The following LIN52 variants were observed in gnomAD, a reference collection of about 807,000 sequenced individuals.
LIN52 encodes protein lin-52 homolog.
In LIN52, 4 loss-of-function variants were observed where a neutral mutation model predicts 18.5. The observed-to-expected ratio is 0.22, with a 90% CI of 0.11 to 0.49. LIN52 has a LOEUF of 0.49. Ranked by LOEUF, LIN52 falls within the 20% of genes least tolerant of loss-of-function variation. The pLI is 0.97. For missense variants in LIN52, 102 were observed against 139.5 expected (o/e 0.73, Z 1.35); for synonymous variants, 34 against 45.5 (o/e 0.75, Z 1.02).
intron 5 of LIN52, among the ~76,000 whole-genome samples, chr14:74,176,983 G>A (rs1332347891): frequency 6.6e-6 from 1 of 151,486 alleles, no homozygotes; most frequent in African/African-American, 2.4e-5. Context: ...TCATCAGTGG[G>A]ACATTTGGGT....
At chr14:74,132,897 T>C (rs1185700356) in intron 5 of LIN52, among the ~76,000 whole-genome samples, 1 of 152,164 alleles carries the variant, frequency 6.6e-6, no homozygotes, top group African/African-American at 2.4e-5. Context: ...AATAAAATCT[T>C]AATATATAAA....
chr14:74,176,584 A>G (rs2139580518), intron 5 of LIN52, among the ~76,000 whole-genome samples: 1 of 152,316 alleles, frequency 6.6e-6, no homozygotes, highest in Non-Finnish European at 1.5e-5. Context: ...TGTTGACACC[A>G]GCATTACCAC....
chr14:74,155,032 A>G (rs1015519112), intron 5 of LIN52, among the ~76,000 whole-genome samples: 6 of 152,220 alleles, frequency 3.9e-5, no homozygotes, highest in African/African-American at 9.6e-5. Context: ...ACAGAAAGCA[A>G]TCAAATAAGT....
At chr14:74,107,675 A>AT (rs1389440835) in intron 5 of LIN52, among the ~76,000 whole-genome samples, 5 of 152,078 alleles carry the variant, frequency 3.3e-5, no homozygotes, top group South Asian at 2.1e-4. Context: ...TAGCCCATAG[A>AT]TTTTTTTCCC....
chr14:74,176,692 C>T (rs2061295894), intron 5 of LIN52, among the ~76,000 whole-genome samples: 1 of 152,112 alleles, frequency 6.6e-6, no homozygotes. Context: ...TCTTATGGGA[C>T]CACCATCATG....
At chr14:74,105,531 G>T (rs1363064932) in intron 5 of LIN52, among the ~76,000 whole-genome samples, 1 of 152,010 alleles carries the variant, frequency 6.6e-6, no homozygotes, top group African/African-American at 2.4e-5. Context: ...CTTACATACA[G>T]TCTCTCTTTG....
At chr14:74,136,610 G>A (rs2061099342) in intron 5 of LIN52, among the ~76,000 whole-genome samples, 1 of 152,178 alleles carries the variant, frequency 6.6e-6, no homozygotes, top group Non-Finnish European at 1.5e-5. Context: ...GTCTCACAGT[G>A]TTGGAGGAAA....
At chr14:74,196,390 G>C (rs1225511115) in intron 5 of LIN52, among the ~76,000 whole-genome samples, 1 of 152,204 alleles carries the variant, frequency 6.6e-6, no homozygotes, top group African/African-American at 2.4e-5. Flanking sequence ...CTGAAGGTCA[G>C]CAGGCAGAAA....
chr14:74,098,008 A>AT, intron 4 of LIN52, 148 bp downstream of exon 4: 1 of 616,742 alleles, frequency 1.6e-6, no homozygotes, highest in South Asian at 2.0e-5. Flanking sequence ...CATGTCTGCA[A>AT]TGCCCTTCTC....
chr14:74,135,310 G>A (rs575230708), intron 5 of LIN52, among the ~76,000 whole-genome samples: 1 of 152,152 alleles, frequency 6.6e-6, no homozygotes, highest in South Asian at 2.1e-4. Context: ...TGTTCTGCCC[G>A]CGTTGGCCTC....
intron 5 of LIN52, among the ~76,000 whole-genome samples, chr14:74,132,233 C>G (rs2061072513): frequency 6.6e-6 from 1 of 152,218 alleles, no homozygotes; most frequent in Non-Finnish European, 1.5e-5. Context: ...TCTTCTGATT[C>G]TTAATCCAGG....
chr14:74,180,278 T>C (rs1177285133), intron 5 of LIN52, among the ~76,000 whole-genome samples: 6 of 149,242 alleles, frequency 4.0e-5, no homozygotes, highest in Non-Finnish European at 8.9e-5. Flanking sequence ...TTTTTTTTTT[T>C]TTTTTGAGAC....
chr14:74,137,498 C>CTCTTTTTCTCTT (rs776969152), intron 5 of LIN52, among the ~76,000 whole-genome samples: 2 of 111,624 alleles, frequency 1.8e-5, no homozygotes, highest in Admixed American at 9.3e-5. Flanking sequence ...CAGCAGCTCT[C>CTCTTTTTCTCTT]TTTTTTTTTT....
chr14:74,133,758 G>A (rs544966910), intron 5 of LIN52, among the ~76,000 whole-genome samples: 1 of 152,190 alleles, frequency 6.6e-6, no homozygotes, highest in African/African-American at 2.4e-5. Context: ...CCACAGTGGC[G>A]ATGGTAAAAG....
At chr14:74,156,986 G>A (rs1312710515) in intron 5 of LIN52, among the ~76,000 whole-genome samples, 1 of 150,622 alleles carries the variant, frequency 6.6e-6, no homozygotes, top group Admixed American at 6.6e-5. Flanking sequence ...TCATTCTTTT[G>A]TATGGCTAAG....
intron 5 of LIN52, among the ~76,000 whole-genome samples, chr14:74,102,391 C>A (rs965374148): frequency 6.6e-6 from 1 of 152,176 alleles, no homozygotes; most frequent in African/African-American, 2.4e-5. Context: ...GTTATGGAAT[C>A]AAGAAATAGA....
intron 5 of LIN52, among the ~76,000 whole-genome samples, chr14:74,177,402 A>G (rs1464589165): frequency 6.6e-6 from 1 of 152,232 alleles, no homozygotes; most frequent in Non-Finnish European, 1.5e-5. Flanking sequence ...TTTGTATATT[A>G]TGCCATAAGA....
Position 74,163,707 on chromosome 14 carries a change from G to A in LIN52, c.284-35215G>A, listed in dbSNP as rs967232137. Among the ~76,000 whole-genome samples the A allele has an allele frequency of 2.0e-5, 3 of 152,198 alleles. No individual in the cohort carries two copies. The South Asian group carries it at 6.2e-4, about 32-fold the overall frequency. On this transcript the variant is annotated intron_variant, in intron 5 of 5. Coordinates refer to ENST00000555028, the MANE Select transcript of LIN52 (RefSeq NM_001024674.3). ...GCAGCAAGATTTTGGAAGGTGGAAA[G>A]TATGTGAATTTAGCAAGCCTATGAA... is the stretch of plus-strand genomic sequence containing the variant.
chr14:74,088,770 C>G (rs2060751936), intron 1 of LIN52, among the ~76,000 whole-genome samples: 1 of 152,066 alleles, frequency 6.6e-6, no homozygotes, highest in Non-Finnish European at 1.5e-5. Context: ...TGTGGTTACC[C>G]AGAAAATGTT....
Sources: allele counts gnomAD v4.1 joint callset (sites outside exome capture counted in the v4.1 genomes callset), GRCh38; gene constraint gnomAD v4.1.1; transcripts MANE v1.5; gene names NCBI Gene and HGNC (gene_info 2026-07-23, HGNC 2026-07-21).